ARHGAP28: variants seen among roughly 807,000 people sequenced by gnomAD.
ARHGAP28 encodes rho GTPase-activating protein 28.
ARHGAP28 carries 56 observed loss-of-function variants against 90.7 expected under a neutral mutation model. The observed-to-expected ratio is 0.62, with a 90% CI of 0.50 to 0.77. The LOEUF is 0.77. Among genes scored for constraint, ARHGAP28 ranks in the 30% least tolerant of loss-of-function variants. The pLI is 0.00. For synonymous variants in ARHGAP28, 308 were observed against 323.3 expected, an observed-to-expected ratio of 0.95 and a Z score of 0.51; for missense variants, 869 against 900.9, an observed-to-expected ratio of 0.96 and a Z score of 0.45.
chr18:6,835,248 CTT>C (rs1318306737), intron 2 of ARHGAP28, among the ~76,000 whole-genome samples: 4 of 152,062 alleles, frequency 2.6e-5, no homozygotes, highest in African/African-American at 9.7e-5. Context: ...GGAAAAACAA[CTT>C]TTTAAAATTT....
intron 3 of ARHGAP28, among the ~76,000 whole-genome samples, chr18:6,842,949 T>A (rs2056838603): frequency 6.6e-6 from 1 of 152,218 alleles, no homozygotes; most frequent in Non-Finnish European, 1.5e-5. Context: ...TTTTTAAGTT[T>A]AAAAATTCCA....
chr18:6,826,683 C>T (rs904164589), intron 2 of ARHGAP28, among the ~76,000 whole-genome samples: 29 of 88,250 alleles, frequency 3.3e-4, no homozygotes, highest in South Asian at 2.1e-3. Context: ...GGATTTTGAG[C>T]TTTTTTTTTT....
chr18:6,855,059 G>A (rs1271315660), intron 4 of ARHGAP28, among the ~76,000 whole-genome samples: 4 of 152,216 alleles, frequency 2.6e-5, no homozygotes, highest in Admixed American at 1.3e-4. Context: ...AGGGCAGCTC[G>A]GCACAGGCCT....
chr18:6,863,358 A>G (rs1390389850), intron 5 of ARHGAP28, among the ~76,000 whole-genome samples: 3 of 151,780 alleles, frequency 2.0e-5, no homozygotes, highest in African/African-American at 7.2e-5. Flanking sequence ...TCTTTAATCA[A>G]TTACTTTAGG....
rs777327752 is a variant in ARHGAP28 at position 6,896,533 on chromosome 18, A to G, written c.1937A>G (p.His646Arg). The G allele has an allele frequency of 3.1e-6, 5 of 1,614,052 alleles. No individual in the cohort carries two copies. The highest frequency in any genetic ancestry group is 1.3e-5 in the African/African-American group (1 of 74,934). Reference sequence around the variant, plus strand: ...GTGCCGGAAGGAGTCATACGGGTCCATGCTCCACTTCTCTCCAAGGTGTCC... The same window carrying G: ...GTGCCGGAAGGAGTCATACGGGTCCGTGCTCCACTTCTCTCCAAGGTGTCC... The part of the protein sequence containing the change: ...SDVPEGVIRV[H>R]APLLSKVSMA... The change falls in exon 16 of 18, where the codon CAT (histidine) becomes CGT (arginine). Residue 646 changes from histidine to arginine, a missense_variant. Transcript: ENST00000383472.
chr18:6,837,134 T>C (rs924068973), intron 2 of ARHGAP28, 63 bp from the exon 3 acceptor site: 2 of 1,227,012 alleles, frequency 1.6e-6, no homozygotes, highest in African/African-American at 1.5e-5. Flanking sequence ...TTGTCTGATA[T>C]TCACATGGCA....
intron 14 of ARHGAP28, among the ~76,000 whole-genome samples, chr18:6,891,456 G>A (rs902132678): frequency 1.8e-4 from 27 of 151,888 alleles, no homozygotes; most frequent in African/African-American, 6.3e-4. Flanking sequence ...GTAGAGACAG[G>A]GTATTTTTAG....
chr18:6,734,433 C>G (rs1406029463), intron 1 of ARHGAP28, among the ~76,000 whole-genome samples: 1 of 152,012 alleles, frequency 6.6e-6, no homozygotes, highest in African/African-American at 2.4e-5. Context: ...AGGAGGGAAA[C>G]AGCCAACTCT....
chr18:6,812,763 A>G (rs1030397923), intron 1 of ARHGAP28, among the ~76,000 whole-genome samples: 2 of 152,148 alleles, frequency 1.3e-5, no homozygotes, highest in African/African-American at 4.8e-5. Context: ...TATTTATTTG[A>G]TTCTCCTTTG....
chr18:6,825,890 A>C (rs1242276922), intron 2 of ARHGAP28, among the ~76,000 whole-genome samples: 1 of 152,166 alleles, frequency 6.6e-6, no homozygotes, highest in Non-Finnish European at 1.5e-5. Flanking sequence ...ATATCTTTGC[A>C]ATTGTGAATA....
intron 1 of ARHGAP28, among the ~76,000 whole-genome samples, chr18:6,740,807 C>T (rs2055969929): frequency 6.6e-6 from 1 of 152,122 alleles, no homozygotes; most frequent in Non-Finnish European, 1.5e-5. Context: ...AATGTCTGTG[C>T]TACAACTGGA....
At chr18:6,760,733 C>T (rs1022184128) in intron 1 of ARHGAP28, among the ~76,000 whole-genome samples, 1 of 152,128 alleles carries the variant, frequency 6.6e-6, no homozygotes, top group Admixed American at 6.6e-5. Flanking sequence ...CCTTTAAAAC[C>T]TCCATCACCA....
intron 10 of ARHGAP28, among the ~76,000 whole-genome samples, chr18:6,876,862 G>A (rs1239671024): frequency 6.6e-6 from 1 of 152,148 alleles, no homozygotes; most frequent in Non-Finnish European, 1.5e-5. Context: ...AAACTCTACA[G>A]TACAATAAAG....
intron 1 of ARHGAP28, among the ~76,000 whole-genome samples, chr18:6,821,351 GT>G (rs2056625613): frequency 6.6e-6 from 1 of 152,080 alleles, no homozygotes; most frequent in Non-Finnish European, 1.5e-5. Context: ...TCCAACAAAA[GT>G]TTCTGTGTAA....
chr18:6,822,896 A>G (rs2056635528), intron 1 of ARHGAP28, among the ~76,000 whole-genome samples: 1 of 152,146 alleles, frequency 6.6e-6, no homozygotes, highest in Admixed American at 6.5e-5. Flanking sequence ...GCCTCTATGT[A>G]CTCTCATGAA....
At position 6,836,881 on chromosome 18, in the gene ARHGAP28, A is replaced by ACT. The variant is rs1415766892; in HGVS notation, c.326-316_326-315insCT. ...CATTAAGTAATGGGTTTTTTCTATT[A>ACT]TAGTTTTACTTTAAATATTCATGTT... On this transcript the variant is annotated intron_variant, in intron 2 of 17. Coordinates refer to ENST00000383472, the MANE Select transcript of ARHGAP28 (RefSeq NM_001366230.1). Among the ~76,000 whole-genome samples, 1,216 of 152,262 alleles carry ACT rather than the reference A, an allele frequency of 8.0e-3. 5 individuals are homozygous for ACT. The highest frequency in any genetic ancestry group is 0.011 in the Non-Finnish European group (781 of 68,020).
intron 3 of ARHGAP28, among the ~76,000 whole-genome samples, chr18:6,841,198 T>TCTCTCCTCTC (rs1222771175): frequency 1.5e-5 from 1 of 64,682 alleles, no homozygotes; most frequent in Non-Finnish European, 2.8e-5. Context: ...TCTCTCTCTC[T>TCTCTCCTCTC]CTCTCCTCTC....
intron 1 of ARHGAP28, among the ~76,000 whole-genome samples, chr18:6,745,924 C>T (rs1399487228): frequency 6.6e-6 from 1 of 152,146 alleles, no homozygotes; most frequent in Non-Finnish European, 1.5e-5. Flanking sequence ...TAGAGTAAAA[C>T]CTATCACACT....
rs575996247 is a variant in ARHGAP28, at chr18:6,804,448, T to C, written c.123-20314T>C. Among the ~76,000 whole-genome samples the C allele has an allele frequency of 2.0e-5, 3 of 152,258 alleles. No homozygotes were observed. In the South Asian group the frequency reaches 6.2e-4, roughly 32 times the overall value. On this transcript the variant is annotated intron_variant, in intron 1 of 17. Coordinates refer to ENST00000383472, the MANE Select transcript of ARHGAP28 (RefSeq NM_001366230.1). ...CTGCTTCATTGTTTTTTGGTTCTGGTACTTGTTATTTCTAATTTTTTCTGC... is the reference window on the plus strand; with the variant it reads ...CTGCTTCATTGTTTTTTGGTTCTGGCACTTGTTATTTCTAATTTTTTCTGC...
Sources: gnomAD v4.1 joint callset for allele counts (sites outside exome capture counted in the v4.1 genomes callset) on GRCh38, gnomAD v4.1.1 for gene constraint, MANE v1.5 for transcripts, NCBI Gene and HGNC (gene_info 2026-07-23, HGNC 2026-07-21) for gene names.